Variants in ZFHX4 observed in about 807,000 individuals in gnomAD.
The protein encoded by ZFHX4 is zinc finger homeobox 4.
Under a neutral mutation model 267.6 loss-of-function variants are expected in ZFHX4, and 56 were observed. The ratio of observed to expected loss-of-function variants is 0.21; its 90% CI spans 0.17 to 0.26. ZFHX4 has a LOEUF of 0.26. ZFHX4 is among the 10% of genes least tolerant of loss of function. ZFHX4 has a pLI of 1.00. For synonymous variants in ZFHX4, 1,778 were observed against 1,665.6 expected (o/e 1.07, Z -1.64); for missense variants, 4,332 against 4,420.0 (o/e 0.98, Z 0.56).
chr8:76,800,961 T>A (rs904950090), intron 4 of ZFHX4, among the ~76,000 whole-genome samples: 1 of 152,172 alleles, frequency 6.6e-6, no homozygotes, highest in Non-Finnish European at 1.5e-5. Flanking sequence ...GGCTATGAGA[T>A]TAAAGCTCAG....
At chr8:76,830,785 G>T (rs551481505) in intron 4 of ZFHX4, among the ~76,000 whole-genome samples, 2 of 152,142 alleles carry the variant, frequency 1.3e-5, no homozygotes, top group South Asian at 4.2e-4. Flanking sequence ...CTTTAATATG[G>T]CACCAAATTA....
intron 3 of ZFHX4, among the ~76,000 whole-genome samples, chr8:76,761,731 G>A (rs974229146): frequency 6.6e-6 from 1 of 152,020 alleles, no homozygotes; most frequent in Non-Finnish European, 1.5e-5. Context: ...TCTAATCTTG[G>A]GATGTTTTAC....
chr8:76,752,870 T>G (rs1402289960), intron 3 of ZFHX4, among the ~76,000 whole-genome samples: 1 of 152,222 alleles, frequency 6.6e-6, no homozygotes, highest in Non-Finnish European at 1.5e-5. Context: ...TAATAACTTA[T>G]GTAATTACTT....
intron 3 of ZFHX4, among the ~76,000 whole-genome samples, chr8:76,751,130 C>A (rs555108738): frequency 6.6e-6 from 1 of 152,122 alleles, no homozygotes. Flanking sequence ...CACAGAAGAT[C>A]AATTCTTCTG....
intron 4 of ZFHX4, among the ~76,000 whole-genome samples, chr8:76,822,826 C>T (rs2131868712): frequency 6.6e-6 from 1 of 152,098 alleles, no homozygotes; most frequent in Non-Finnish European, 1.5e-5. Flanking sequence ...TTGCCCTTAC[C>T]CTTCATCGTC....
intron 4 of ZFHX4, among the ~76,000 whole-genome samples, chr8:76,788,473 T>C (rs1810750416): frequency 6.6e-6 from 1 of 152,232 alleles, no homozygotes; most frequent in Non-Finnish European, 1.5e-5. Flanking sequence ...GCCTCTTGGC[T>C]CTCAGTCCAG....
At chr8:76,769,766 C>T (rs1355350924) in intron 3 of ZFHX4, among the ~76,000 whole-genome samples, 2 of 152,006 alleles carry the variant, frequency 1.3e-5, no homozygotes, top group African/African-American at 2.4e-5. Flanking sequence ...TGTCTACTGA[C>T]GATAAGTGCA....
intron 3 of ZFHX4, among the ~76,000 whole-genome samples, chr8:76,762,383 C>A (rs986538857): frequency 2.6e-5 from 4 of 152,224 alleles, no homozygotes; most frequent in African/African-American, 9.6e-5. Flanking sequence ...GTTAATATCT[C>A]CCTGACATTC....
intron 3 of ZFHX4, among the ~76,000 whole-genome samples, chr8:76,747,707 G>C (rs568333299): frequency 6.6e-6 from 1 of 152,074 alleles, no homozygotes; most frequent in Non-Finnish European, 1.5e-5. Flanking sequence ...CGAGGCAGGC[G>C]GATCACCTGA....
At chr8:76,785,775 AT>A (rs986231332) in intron 4 of ZFHX4, among the ~76,000 whole-genome samples, 46 of 152,268 alleles carry the variant, frequency 3.0e-4, no homozygotes, top group South Asian at 1.9e-3. Flanking sequence ...TTTTCAAAGA[AT>A]TTAGATTAAG....
intron 3 of ZFHX4, among the ~76,000 whole-genome samples, chr8:76,716,837 G>A (rs116738347): frequency 1.4e-3 from 213 of 152,220 alleles, no homozygotes; most frequent in African/African-American, 5.0e-3. Context: ...CCTTTTACTG[G>A]CATGTTTGGG....
At chr8:76,826,580 T>C (rs1379078472) in intron 4 of ZFHX4, among the ~76,000 whole-genome samples, 1 of 152,164 alleles carries the variant, frequency 6.6e-6, no homozygotes, top group East Asian at 1.9e-4. Flanking sequence ...TGAGACAACA[T>C]TGGATGAACC....
chr8:76,777,521 T>G (rs1179394343), intron 3 of ZFHX4, among the ~76,000 whole-genome samples: 1 of 152,208 alleles, frequency 6.6e-6, no homozygotes, highest in Non-Finnish European at 1.5e-5. Context: ...ACATTTTTGT[T>G]TATAGAAAAT....
intron 3 of ZFHX4, among the ~76,000 whole-genome samples, chr8:76,764,063 G>A (rs1585920791): frequency 6.6e-6 from 1 of 152,238 alleles, no homozygotes; most frequent in Middle Eastern, 3.4e-3. Context: ...CATTTAGACT[G>A]CAACAGGGGT....
At chr8:76,816,689 G>T (rs576944735) in intron 4 of ZFHX4, among the ~76,000 whole-genome samples, 1 of 148,918 alleles carries the variant, frequency 6.7e-6, no homozygotes, top group Non-Finnish European at 1.5e-5. Context: ...TCCGCCTCCT[G>T]GGTTCAAGCA....
chr8:76,819,456 T>G (rs987801284), intron 4 of ZFHX4, among the ~76,000 whole-genome samples: 2 of 152,176 alleles, frequency 1.3e-5, no homozygotes, highest in African/African-American at 4.8e-5. Context: ...GTGTTCAATA[T>G]GTACTCCTTG....
At chr8:76,817,180 T>C (rs1585975657) in intron 4 of ZFHX4, among the ~76,000 whole-genome samples, 1 of 152,132 alleles carries the variant, frequency 6.6e-6, no homozygotes, top group African/African-American at 2.4e-5. Context: ...TTAAGGGTTA[T>C]AAAATAATTT....
At chr8:76,822,450 C>CTGTTTTTTTTTTTTTTTTTTTTTTTTT (rs1418711368) in intron 4 of ZFHX4, among the ~76,000 whole-genome samples, 1 of 137,416 alleles carries the variant, frequency 7.3e-6, no homozygotes. Flanking sequence ...CTGTGTCTAC[C>CTGTTTTTTTTTTTTTTTTTTTTTTTTT]TCTTTTTTTT....
Position 76,849,686 on chromosome 8 carries a change from G to C in ZFHX4, c.3820G>C (p.Asp1274His), listed in dbSNP as rs764424905. ...GACGCATTTGCACAGTGTGTCTCCAGACTGTGTGGAGAAGCTGCTTATGAC... is the reference window on the plus strand; with the variant it reads ...GACGCATTTGCACAGTGTGTCTCCACACTGTGTGGAGAAGCTGCTTATGAC... ...HLTHLHSVSP[D>H]CVEKLLMTVP... is the part of the protein sequence containing the mutation. The change falls in exon 8 of 11, where the codon GAC becomes CAC. Residue 1274 changes from aspartate to histidine, a missense_variant. By Grantham distance (81) the Asp-to-His change is moderately conservative. Coordinates refer to ENST00000651372, the MANE Select transcript of ZFHX4 (RefSeq NM_024721.5). 5.6e-6 allele frequency: 9 copies of C among 1,613,722 alleles called. No homozygotes were observed. The highest frequency in any genetic ancestry group is 7.6e-6 in the Non-Finnish European group (9 of 1,179,818).
Sources: gnomAD v4.1 joint callset for allele counts (sites outside exome capture counted in the v4.1 genomes callset) on GRCh38, gnomAD v4.1.1 for gene constraint, MANE v1.5 for transcripts, NCBI Gene and HGNC (gene_info 2026-07-23, HGNC 2026-07-21) for gene names.